Variants in CIAO3 observed in about 807,000 individuals in gnomAD.
CIAO3 encodes LET1 like/JFP15.
Under a neutral mutation model 51.5 loss-of-function variants are expected in CIAO3, and 45 were observed. That is an observed-to-expected ratio of 0.87 (90% CI 0.69 to 1.12). The LOEUF is 1.12. Among genes scored for constraint, CIAO3 ranks in the 50% most tolerant of loss-of-function variants. The probability of loss-of-function intolerance (pLI) is 0.00; values close to 1 mark genes in which losing one functional copy is unlikely to be tolerated. For missense variants in CIAO3, 668 were observed against 632.5 expected (o/e 1.06, Z -0.60); for synonymous variants, 314 against 269.3 (o/e 1.17, Z -1.63).
At position 732,335 on chromosome 16, in the gene CIAO3, G is replaced by T. The variant is rs773924708; in HGVS notation, c.862C>A (p.Leu288Ile). ...FRLLEEEGVS[L>I]PDLEPAPLDS... ...AGAGGGGCTGGTTCCAGGTCGGGGA[G>T]GGAGACGCCCTCTTCCTCCAGCAAC... The change falls in exon 8 of 11, where the codon CTC becomes ATC. Residue 288 changes from leucine (L) to isoleucine (I), a missense_variant. Coordinates refer to ENST00000251588, the MANE Select transcript of CIAO3 (RefSeq NM_022493.3). 77 of 1,612,852 alleles carry T rather than the reference G, an allele frequency of 4.8e-5. No homozygotes were observed. The highest frequency in any genetic ancestry group is 6.4e-5 in the Non-Finnish European group (76 of 1,179,852).
chr16:732,252 G>A, intron 8 of CIAO3, 49 bp downstream of exon 8: 6 of 1,545,312 alleles, frequency 3.9e-6, no homozygotes, highest in Non-Finnish European at 5.3e-6. Context: ...TATCCTCAGA[G>A]GCAGCGTTAG....
chr16:733,932 G>A (rs1401145593), intron 6 of CIAO3: 5 of 430,976 alleles, frequency 1.2e-5, no homozygotes, highest in Admixed American at 3.7e-5. Context: ...GGGCATCCTC[G>A]TGGACCTGGT....
intron 1 of CIAO3, 164 bp from the exon 2 acceptor site, chr16:739,902 G>T: frequency 8.1e-7 from 1 of 1,233,152 alleles, no homozygotes; most frequent in Non-Finnish European, 1.1e-6. Flanking sequence ...CTGCCCCACT[G>T]CTCTCACCCA....
Position 734,283 on chromosome 16 carries a change from C to G in CIAO3, c.639G>C (p.Arg213=), listed in dbSNP as rs756232410. 4 of 1,611,978 alleles carry G rather than the reference C, an allele frequency of 2.5e-6. No individual in the cohort carries two copies. The Admixed American group carries it at 6.7e-5, about 27-fold the overall frequency. ...GGGAGCCCATGACCTGCTGCGGGGA[C>G]CGGGCGGTGCTGATGTGGGGGAGGA... is the stretch of plus-strand genomic sequence containing the variant. ...SFILPHISTA[R]SPQQVMGSLV... is the part of the protein sequence containing the mutation. Residue 213 remains arginine, a synonymous_variant, in exon 6 of 11, where the codon CGG becomes CGC. Transcript: ENST00000251588.
intron 2 of CIAO3, chr16:738,068 C>T: frequency 1.9e-6 from 2 of 1,050,786 alleles, no homozygotes; most frequent in Non-Finnish European, 2.3e-6. Flanking sequence ...CTGTGTATCA[C>T]AATCTGAGCT....
chr16:739,484 C>A, intron 2 of CIAO3, 159 bp downstream of exon 2: 1 of 718,532 alleles, frequency 1.4e-6, no homozygotes, highest in South Asian at 1.6e-5. Context: ...GGCACCCTGA[C>A]CCCCAGCCTC....
Position 737,388 on chromosome 16 carries a change from G to A in CIAO3, c.163-59C>T. ...CCCTCTGCACGAGGACATGGAGACA[G>A]AGGATAGTGGAGTCCAGCTCATAAC... On this transcript the variant is annotated intron_variant, in intron 2 of 10. Coordinates refer to ENST00000251588, the MANE Select transcript of CIAO3 (RefSeq NM_022493.3). This position sits in a 1 kb window ranked among gnomAD's most constrained non-coding sequence, Gnocchi z 5.3. 6.2e-7 allele frequency: 1 copy of A among 1,603,302 alleles called. No homozygotes were observed. Among genetic ancestry groups the A allele is most frequent in the East Asian group, 2.2e-5 (1 of 44,628 alleles).
chr16:730,152 C>G lies in CIAO3; in HGVS notation c.*265G>C, dbSNP rs984709217. 1.4e-5 allele frequency: 8 copies of G among 562,076 alleles called. No individual in the cohort carries two copies. In the African/African-American group the frequency reaches 1.5e-4, roughly 11 times the overall value. The allele number at this position is 562,076 out of a possible 1,614,324, so 34.8% of individuals were successfully genotyped here. A position where few individuals can be genotyped will look rare whatever the true frequency, so the allele number is the denominator to read the frequency against. ...AGCACCTGTGGGCCTCGGCCCAGGG[C>G]CAACGGAACAGGCTCTGGGACCTCA... On this transcript the variant is annotated 3_prime_UTR_variant, in exon 11 of 11. Transcript: ENST00000251588.
At chr16:740,194 C>T (rs1369196001) in intron 1 of CIAO3, 1 of 1,061,260 alleles carries the variant, frequency 9.4e-7, no homozygotes, top group Non-Finnish European at 1.3e-6. Context: ...AGAAAGCCGC[C>T]TCCCAGCTCA....
Position 734,290 on chromosome 16 carries a change from G to A in CIAO3, c.632C>T (p.Thr211Ile), listed in dbSNP as rs1338553070. 5.6e-6 allele frequency: 9 copies of A among 1,612,072 alleles called. No individual in the cohort carries two copies. The highest frequency in any genetic ancestry group is 2.2e-5 in the South Asian group (2 of 91,082). The change falls in exon 6 of 11, where the codon ACC (threonine) becomes ATC (isoleucine). Residue 211 changes from threonine to isoleucine, a missense_variant. Coordinates refer to ENST00000251588, the MANE Select transcript of CIAO3 (RefSeq NM_022493.3). ...HGSFILPHIS[T>I]ARSPQQVMGS... ...CATGACCTGCTGCGGGGACCGGGCGGTGCTGATGTGGGGGAGGATGAAGCT... is the reference window on the plus strand; with the variant it reads ...CATGACCTGCTGCGGGGACCGGGCGATGCTGATGTGGGGGAGGATGAAGCT...
intron 2 of CIAO3, chr16:739,360 G>T: frequency 2.1e-6 from 1 of 472,350 alleles, no homozygotes; most frequent in Non-Finnish European, 3.8e-6. Flanking sequence ...ATCTTACATG[G>T]TTAGAACTAG....
At chr16:735,977 A>C (rs866338342) in intron 4 of CIAO3, among the ~76,000 whole-genome samples, 22 of 152,294 alleles carry the variant, frequency 1.4e-4, no homozygotes, top group Middle Eastern at 3.4e-3. Flanking sequence ...AACCCAACAG[A>C]GCCCCGGAGA....
At chr16:740,868 C>T in intron 1 of CIAO3, 52 bp downstream of exon 1, 20 of 1,484,062 alleles carry the variant, frequency 1.3e-5, no homozygotes, top group Non-Finnish European at 1.7e-5. Flanking sequence ...TTTCCCTCCG[C>T]GCGACAGGGC....
In CIAO3 at chr16:739,705, C is replaced by T; in HGVS notation, c.100G>A (p.Ala34Thr). The stretch of plus-strand genomic sequence containing the variant: ...CGAATCTTGGCCACGCCACTTCCCG[C>T]CCTTTTTTCCACTTTGACAGGCTTG... ...CIKPVKVEKR[A>T]GSGVAKIRIE... The change falls in exon 2 of 11, where the codon GCG (alanine) becomes ACG (threonine). Residue 34 changes from alanine (A) to threonine (T), a missense_variant. By Grantham distance (58) the Ala-to-Thr change is moderately conservative (BLOSUM62 0). Coordinates refer to ENST00000251588, the MANE Select transcript of CIAO3 (RefSeq NM_022493.3). 2 of 1,614,104 alleles carry T rather than the reference C, an allele frequency of 1.2e-6. No homozygotes were observed. Among genetic ancestry groups the T allele is most frequent in the Non-Finnish European group, 1.7e-6 (2 of 1,180,012 alleles).
intron 1 of CIAO3, chr16:740,264 G>A: frequency 2.4e-6 from 1 of 421,848 alleles, no homozygotes; most frequent in Middle Eastern, 4.9e-4. Flanking sequence ...TGGCCCCGCG[G>A]GGCTGTTGGA....
At chr16:735,151 A>C in intron 4 of CIAO3, 1 of 403,528 alleles carries the variant, frequency 2.5e-6, no homozygotes, top group Non-Finnish European at 4.4e-6. Flanking sequence ...TCAGTCCTCC[A>C]CCCTCCCAGC....
intron 2 of CIAO3, chr16:738,095 G>A (rs930147845): frequency 1.3e-4 from 132 of 1,033,302 alleles, no homozygotes; most frequent in Non-Finnish European, 1.5e-4. Flanking sequence ...GTATTCCTAC[G>A]TTGGTTCTGC....
At position 731,619 on chromosome 16, in the gene CIAO3, G is replaced by A. The variant is rs150631734; in HGVS notation, c.980C>T (p.Ala327Val). 22 of 1,561,932 alleles carry A rather than the reference G, an allele frequency of 1.4e-5. 1 individual carries two copies. In the Admixed American group the frequency reaches 1.5e-4, roughly 11 times the overall value. The change falls in exon 9 of 11, where the codon GCG (alanine) becomes GTG (valine). Residue 327 changes from alanine (A) to valine (V), a missense_variant. By Grantham distance (64) the Ala-to-Val change is moderately conservative. Coordinates refer to ENST00000251588, the MANE Select transcript of CIAO3 (RefSeq NM_022493.3). ...ATGGATTCCAAAGAGCTCTCGGGCC[G>A]CGTGCCGGAACACGTGCTCCAGGTA... Reference protein sequence around the residue: ...GGYLEHVFRHAARELFGIHVA... With the variant: ...GGYLEHVFRHVARELFGIHVA...
At chr16:739,539 C>G (rs909083779) in intron 2 of CIAO3, 104 bp downstream of exon 2, 4 of 1,150,710 alleles carry the variant, frequency 3.5e-6, no homozygotes, top group Non-Finnish European at 5.2e-6. Flanking sequence ...ACTGGTGAGA[C>G]CTGGAGTGTC....
Sources: allele counts gnomAD v4.1 joint callset (sites outside exome capture counted in the v4.1 genomes callset), GRCh38; gene constraint gnomAD v4.1.1; non-coding constraint Gnocchi (gnomAD v3.1); transcripts MANE v1.5; gene names NCBI Gene and HGNC (gene_info 2026-07-23, HGNC 2026-07-21).